Variants in MAP3K3 observed in about 807,000 individuals in gnomAD.
MAP3K3 encodes the protein MAP/ERK kinase kinase 3.
MAP3K3 carries 12 observed loss-of-function variants against 80.9 expected under a neutral mutation model. The ratio of observed to expected loss-of-function variants is 0.15; its 90% CI spans 0.10 to 0.24. MAP3K3 has a LOEUF of 0.24. Among genes scored for constraint, MAP3K3 ranks in the 10% least tolerant of loss-of-function variants. MAP3K3 has a pLI of 1.00. For missense variants in MAP3K3, 596 were observed against 834.7 expected, an observed-to-expected ratio of 0.71 and a Z score of 3.52; for synonymous variants, 272 against 307.1, an observed-to-expected ratio of 0.89 and a Z score of 1.19.
At chr17:63,624,262 A>G (rs192942195) in intron 1 of MAP3K3, among the ~76,000 whole-genome samples, 2,147 of 152,342 alleles carry the variant, frequency 0.014, 27 homozygotes, top group Non-Finnish European at 0.02. Flanking sequence ...TAGATTTTGA[A>G]TAAATCTTCG....
chr17:63,656,802 C>CA (rs2034779125), intron 4 of MAP3K3, among the ~76,000 whole-genome samples: 1 of 152,148 alleles, frequency 6.6e-6, no homozygotes, highest in Non-Finnish European at 1.5e-5. Context: ...AGTCTGTTCT[C>CA]ACGCTGCTGT....
At chr17:63,649,605 G>A (rs941535223) in intron 3 of MAP3K3, among the ~76,000 whole-genome samples, 2 of 152,114 alleles carry the variant, frequency 1.3e-5, no homozygotes, top group South Asian at 2.1e-4. Context: ...GACAGGGTTT[G>A]CCATTTTGCC....
At chr17:63,685,448 C>T (rs2035428480) in intron 7 of MAP3K3, 69 bp from the exon 8 acceptor site, 1 of 1,253,046 alleles carries the variant, frequency 8.0e-7, no homozygotes, top group South Asian at 1.2e-5. Flanking sequence ...TGGCCCTTGC[C>T]ATAAAGCCTG....
At chr17:63,678,399 A>G (rs2143536461) in intron 6 of MAP3K3, among the ~76,000 whole-genome samples, 1 of 152,344 alleles carries the variant, frequency 6.6e-6, no homozygotes, top group South Asian at 2.1e-4. Context: ...ACCATTGCAA[A>G]GGCATGGCTC....
At chr17:63,634,749 C>T in intron 2 of MAP3K3, 1 of 1,613,988 alleles carries the variant, frequency 6.2e-7, no homozygotes, top group Non-Finnish European at 8.5e-7. Flanking sequence ...CTGAACAGCC[C>T]CACAGTAACA....
Position 63,691,096 on chromosome 17 carries a change from C to T in MAP3K3, c.1213-6C>T. 2 of 1,613,786 alleles carry T rather than the reference C, an allele frequency of 1.2e-6. No individual in the cohort carries two copies. The highest frequency in any genetic ancestry group is 1.7e-6 in the Non-Finnish European group (2 of 1,179,932). On this transcript the variant is annotated splice_polypyrimidine_tract_variant and splice_region_variant and intron_variant, in intron 12 of 15. Coordinates refer to ENST00000361733, the MANE Select transcript of MAP3K3 (RefSeq NM_002401.5). This position sits in a 1 kb window ranked among gnomAD's most constrained non-coding sequence, Gnocchi z 4.8. ...GAGCTGAGGCGACCACTGACCCCTC[C>T]CCTAGGAGGTGAGTGCTCTGGAGTG...
Position 63,691,362 on chromosome 17 carries a change from A to C in MAP3K3, c.1344+129A>C. 7.6e-7 allele frequency: 1 copy of C among 1,313,412 alleles called. No homozygotes were observed. Among genetic ancestry groups the C allele is most frequent in the Non-Finnish European group, 1.1e-6 (1 of 940,956 alleles). The allele number at this position is 1,313,412 out of a possible 1,614,324, so 81.4% of individuals were successfully genotyped here. ...TGAGGCTCCAGAGGCCCAGAGGAGC[A>C]AAGTGAGGTGATGGTGGGACTTGGA... is the stretch of plus-strand genomic sequence containing the variant. On this transcript the variant is annotated intron_variant, in intron 13 of 15. Coordinates refer to ENST00000361733, the MANE Select transcript of MAP3K3 (RefSeq NM_002401.5). This position sits in a 1 kb window ranked among gnomAD's most constrained non-coding sequence, Gnocchi z 4.8.
chr17:63,670,004 GA>G (rs1229777621), intron 6 of MAP3K3, among the ~76,000 whole-genome samples: 1 of 151,938 alleles, frequency 6.6e-6, no homozygotes, highest in Non-Finnish European at 1.5e-5. Flanking sequence ...TTGGGAAGCT[GA>G]GGTGGGAGGA....
intron 6 of MAP3K3, among the ~76,000 whole-genome samples, chr17:63,676,856 G>C (rs2035229791): frequency 6.6e-6 from 1 of 152,190 alleles, no homozygotes; most frequent in African/African-American, 2.4e-5. Context: ...AAAAACCAAA[G>C]GCTTCTGTGA....
chr17:63,633,222 T>C (rs1407121829), intron 2 of MAP3K3, among the ~76,000 whole-genome samples: 1 of 150,450 alleles, frequency 6.6e-6, no homozygotes, highest in Admixed American at 6.6e-5. Context: ...AGAGTGAAAC[T>C]CTGTCTCAAA....
intron 6 of MAP3K3, among the ~76,000 whole-genome samples, chr17:63,674,560 C>A (rs1334543830): frequency 6.6e-6 from 1 of 152,082 alleles, no homozygotes; most frequent in Non-Finnish European, 1.5e-5. Context: ...TGTTGCCCAG[C>A]CTGGTCTTGA....
intron 1 of MAP3K3, among the ~76,000 whole-genome samples, chr17:63,624,044 A>G (rs569688372): frequency 6.6e-6 from 1 of 152,198 alleles, no homozygotes; most frequent in Non-Finnish European, 1.5e-5. Context: ...GGGTTTGTTC[A>G]TTTGCTGGGC....
intron 2 of MAP3K3, among the ~76,000 whole-genome samples, chr17:63,636,283 G>A (rs186652795): frequency 1.3e-5 from 2 of 152,346 alleles, no homozygotes; most frequent in African/African-American, 2.4e-5. Flanking sequence ...TGGGCAGTGA[G>A]CTATTAACAA....
chr17:63,691,936 ATCAC>A lies in MAP3K3; in HGVS notation c.1474+76_1474+79del. 1 of 1,513,462 alleles carries A rather than the reference ATCAC, an allele frequency of 6.6e-7. No individual in the cohort carries two copies. Among genetic ancestry groups the A allele is most frequent in the Non-Finnish European group, 9.1e-7 (1 of 1,099,166 alleles). 93.8% of individuals were successfully genotyped at this position (1,513,462 alleles called of 1,614,324 possible). ...TACCATTGAGTGCCTGCAGGGGCCA[ATCAC>A]TTAACCATTCTGAACTTTCTGAAAA... On this transcript the variant is annotated intron_variant, in intron 14 of 15. Coordinates refer to ENST00000361733, the MANE Select transcript of MAP3K3 (RefSeq NM_002401.5). The surrounding 1 kb of genome is among the most constrained non-coding windows in gnomAD (Gnocchi z 4.8).
At chr17:63,655,937 G>C (rs1394053650) in intron 4 of MAP3K3, among the ~76,000 whole-genome samples, 2 of 152,046 alleles carry the variant, frequency 1.3e-5, no homozygotes, top group Non-Finnish European at 2.9e-5. Context: ...TTTTAAATAT[G>C]TACTGTTTTT....
At chr17:63,678,857 C>G (rs1197978831) in intron 6 of MAP3K3, among the ~76,000 whole-genome samples, 1 of 152,064 alleles carries the variant, frequency 6.6e-6, no homozygotes, top group Non-Finnish European at 1.5e-5. Context: ...TGGTGAAACC[C>G]TGTCTCTACT....
intron 3 of MAP3K3, among the ~76,000 whole-genome samples, chr17:63,650,942 C>G (rs2034643334): frequency 1.3e-5 from 2 of 152,124 alleles, no homozygotes; most frequent in African/African-American, 4.8e-5. Flanking sequence ...AGCGAGCCTC[C>G]TACCTTGGCC....
intron 5 of MAP3K3, among the ~76,000 whole-genome samples, chr17:63,661,076 T>C (rs1303671866): frequency 6.6e-6 from 1 of 152,176 alleles, no homozygotes; most frequent in Admixed American, 6.5e-5. Context: ...TTTTTTTTAT[T>C]TTGAGGCACA....
intron 2 of MAP3K3, among the ~76,000 whole-genome samples, chr17:63,643,362 G>T (rs1017291371): frequency 7.2e-5 from 11 of 151,934 alleles, no homozygotes; most frequent in Non-Finnish European, 1.5e-5. Flanking sequence ...AATTAGCCCA[G>T]TGTGGCGACA....
Sources: allele counts gnomAD v4.1 joint callset (sites outside exome capture counted in the v4.1 genomes callset), GRCh38; gene constraint gnomAD v4.1.1; non-coding constraint Gnocchi (gnomAD v3.1); transcripts MANE v1.5; gene names NCBI Gene and HGNC (gene_info 2026-07-23, HGNC 2026-07-21).